VCL: variants seen among roughly 807,000 people sequenced by gnomAD.
The protein encoded by VCL is epididymis luminal protein 114.
VCL carries 47 observed loss-of-function variants against 125.7 expected under a neutral mutation model. That is an observed-to-expected ratio of 0.37 (90% CI 0.30 to 0.48). The LOEUF is 0.48. VCL is among the 20% of genes least tolerant of loss of function. VCL has a pLI of 0.99. For synonymous variants in VCL, 458 were observed against 514.6 expected (o/e 0.89, Z 1.49); for missense variants, 1,069 against 1,455.5 (o/e 0.73, Z 4.32).
chr10:74,074,053 C>T (rs745795563), intron 5 of VCL, among the ~76,000 whole-genome samples: 1 of 142,202 alleles, frequency 7.0e-6, no homozygotes, highest in Non-Finnish European at 1.5e-5. Context: ...CATGGCAAAA[C>T]CCCGTCTCTA....
chr10:74,067,383 A>G (rs1349276748), intron 2 of VCL, among the ~76,000 whole-genome samples: 1 of 149,654 alleles, frequency 6.7e-6, no homozygotes, highest in Admixed American at 6.6e-5. Flanking sequence ...TTATTTAAAA[A>G]AAAAAAAAGA....
intron 1 of VCL, among the ~76,000 whole-genome samples, chr10:74,030,075 GC>G (rs757569657): frequency 1.3e-5 from 2 of 152,168 alleles, no homozygotes; most frequent in Non-Finnish European, 2.9e-5. Flanking sequence ...AATGCACTGT[GC>G]TAATTAAGGT....
At chr10:74,007,927 C>A (rs537211094) in intron 1 of VCL, among the ~76,000 whole-genome samples, 1 of 152,074 alleles carries the variant, frequency 6.6e-6, no homozygotes, top group South Asian at 2.1e-4. Flanking sequence ...CTCAGCCTCC[C>A]AAGTAGCTGG....
Position 74,072,784 on chromosome 10 carries a change from A to G in VCL, c.554A>G (p.Gln185Arg). ...GAGAGACAGCAGGAGCTCACTCACC[A>G]GGAGCACCGAGTGATGTTGGTGAAC... ...IDERQQELTHQEHRVMLVNSM... is the reference protein window; with the variant it reads ...IDERQQELTHREHRVMLVNSM... Residue 185 changes from glutamine (Q) to arginine (R), a missense_variant, in exon 5 of 22, where the codon CAG becomes CGG. Transcript: ENST00000211998. The G allele has an allele frequency of 6.2e-7, 1 of 1,614,116 alleles. No homozygotes were observed. Among genetic ancestry groups the G allele is most frequent in the Non-Finnish European group, 8.5e-7 (1 of 1,179,992 alleles).
rs1487271125 is a variant in VCL at position 74,074,770 on chromosome 10, A to G, written c.650A>G (p.Asn217Ser). The G allele has an allele frequency of 6.2e-7, 1 of 1,613,326 alleles. No homozygotes were observed. The highest frequency in any genetic ancestry group is 8.5e-7 in the Non-Finnish European group (1 of 1,179,860). The change falls in exon 6 of 22, where the codon AAC becomes AGC. Residue 217 changes from asparagine (N) to serine (S), a missense_variant. Around this residue, in one of 6 missense-constraint regions of VCL, gnomAD observed 760 missense variants for 928.9 expected, o/e 0.82. Coordinates refer to ENST00000211998, the MANE Select transcript of VCL (RefSeq NM_014000.3). ...SAMKIFVTTK[N>S]SKNQGIEEAL... ...ATGAAGATTTTTGTAACAACTAAAAACTCAAAAAACCAAGGCATAGAGGAA... is the reference window on the plus strand; with the variant it reads ...ATGAAGATTTTTGTAACAACTAAAAGCTCAAAAAACCAAGGCATAGAGGAA...
At chr10:74,079,979 G>C (rs564790857) in intron 6 of VCL, among the ~76,000 whole-genome samples, 2 of 152,054 alleles carry the variant, frequency 1.3e-5, no homozygotes, top group Non-Finnish European at 2.9e-5. Flanking sequence ...ACTTCTTGAC[G>C]GTGTCACACC....
intron 1 of VCL, among the ~76,000 whole-genome samples, chr10:74,003,671 A>T (rs1195331343): frequency 1.3e-5 from 2 of 152,278 alleles, no homozygotes; most frequent in East Asian, 3.9e-4. Flanking sequence ...TGGGACAAAT[A>T]GCAGTATTAT....
At chr10:73,998,512 A>G (rs904761200) in intron 1 of VCL, 137 bp downstream of exon 1, 102 of 881,478 alleles carry the variant, frequency 1.2e-4, no homozygotes, top group Non-Finnish European at 1.5e-4. Flanking sequence ...CGAGGGTTCG[A>G]ATGGCCTCTT....
intron 1 of VCL, among the ~76,000 whole-genome samples, chr10:74,013,242 G>A (rs544779030): frequency 6.6e-6 from 1 of 152,216 alleles, no homozygotes; most frequent in South Asian, 2.1e-4. Context: ...CTGCCAATTA[G>A]GAAAGTAGCT....
chr10:74,101,243 T>C, intron 14 of VCL, 146 bp downstream of exon 14: 1 of 1,215,888 alleles, frequency 8.2e-7, no homozygotes, highest in Non-Finnish European at 1.2e-6. Context: ...TCCGGCACTT[T>C]GGGAGGGTGA....
chr10:74,028,127 G>A (rs1318371424), intron 1 of VCL, among the ~76,000 whole-genome samples: 1 of 152,132 alleles, frequency 6.6e-6, no homozygotes, highest in East Asian at 1.9e-4. Context: ...CCAGGCCAGA[G>A]TGCAGTGGTG....
chr10:74,106,734 A>G (rs1372294213), intron 16 of VCL, among the ~76,000 whole-genome samples: 1 of 152,218 alleles, frequency 6.6e-6, no homozygotes, highest in African/African-American at 2.4e-5. Flanking sequence ...AGTAGAGTAG[A>G]TTCCTGAATT....
At chr10:74,104,738 G>A (rs1564532712) in intron 15 of VCL, among the ~76,000 whole-genome samples, 1 of 152,212 alleles carries the variant, frequency 6.6e-6, no homozygotes, top group Admixed American at 6.5e-5. Flanking sequence ...TGGTGATGCA[G>A]TGATGGTTTC....
In VCL at chr10:74,043,073, C is replaced by G. The variant is rs778769534; in HGVS notation, c.169-10C>G. ...TTATATTTGAATTATGATTTTTTTT[C>G]CTCTTGTAGGTTGGAAAAGAGACTG... On this transcript the variant is annotated splice_polypyrimidine_tract_variant and intron_variant, in intron 1 of 21. Transcript: ENST00000211998. 112 of 1,609,576 alleles carry G rather than the reference C, an allele frequency of 7.0e-5. No homozygotes were observed. Among genetic ancestry groups the G allele is most frequent in the Admixed American group, 1.7e-4 (10 of 59,776 alleles).
chr10:74,106,540 C>A (rs1262219373), intron 16 of VCL, among the ~76,000 whole-genome samples: 1 of 152,168 alleles, frequency 6.6e-6, no homozygotes, highest in Admixed American at 6.5e-5. Context: ...TTGAAATCAT[C>A]TGAATTCCTT....
At chr10:74,003,750 C>T (rs901584785) in intron 1 of VCL, among the ~76,000 whole-genome samples, 4 of 152,210 alleles carry the variant, frequency 2.6e-5, no homozygotes, top group East Asian at 1.9e-4. Context: ...GAGATGGAGT[C>T]GCTCTGTCGC....
rs138826014 is a variant in VCL at position 74,091,375 on chromosome 10, A to G, written c.1352+1177A>G. Among the ~76,000 whole-genome samples the G allele has an allele frequency of 4.2e-3, 635 of 152,338 alleles. 2 individuals carry two copies. The highest frequency in any genetic ancestry group is 0.024 in the Middle Eastern group (7 of 294). On this transcript the variant is annotated intron_variant, in intron 10 of 21. Transcript: ENST00000211998. ...ATAGCACACACATAAACATACATCTATGTAACCTCTTGCCAGGAGTAGCCA... is the reference window on the plus strand; with the variant it reads ...ATAGCACACACATAAACATACATCTGTGTAACCTCTTGCCAGGAGTAGCCA...
intron 21 of VCL, 85 bp downstream of exon 21, chr10:74,114,984 C>T: frequency 7.9e-7 from 1 of 1,272,768 alleles, no homozygotes; most frequent in East Asian, 2.5e-5. Flanking sequence ...GAAATTTTAC[C>T]CCTTAATTGA....
intron 1 of VCL, among the ~76,000 whole-genome samples, chr10:74,014,638 T>A (rs1840503080): frequency 6.6e-6 from 1 of 152,100 alleles, no homozygotes; most frequent in East Asian, 1.9e-4. Context: ...GAACCAGCTT[T>A]CCAGGTAGAG....
Sources: gnomAD v4.1 joint callset for allele counts (sites outside exome capture counted in the v4.1 genomes callset) on GRCh38, gnomAD v4.1.1 for gene constraint, gnomAD v4.1.1 regional missense constraint, MANE v1.5 for transcripts, NCBI Gene and HGNC (gene_info 2026-07-23, HGNC 2026-07-21) for gene names.